The following TNNI3K variants were observed in gnomAD, a reference collection of about 807,000 sequenced individuals.
TNNI3K encodes TNNI3 interacting kinase.
Under a neutral mutation model 114.5 loss-of-function variants are expected in TNNI3K, and 140 were observed. That is an observed-to-expected ratio of 1.22 (90% CI 1.07 to 1.41). The LOEUF (loss-of-function observed/expected upper bound fraction) is 1.41, where lower values mean the gene tolerates loss of function less well. TNNI3K is among the 40% of genes most tolerant of loss of function. The pLI is 0.00. For synonymous variants in TNNI3K, 347 were observed against 347.5 expected, an observed-to-expected ratio of 1.00 and a Z score of 0.02; for missense variants, 1,125 against 1,007.6, an observed-to-expected ratio of 1.12 and a Z score of -1.58.
rs1169695917 is a variant in TNNI3K at position 74,367,293 on chromosome 1, G to A, written c.1215G>A (p.Lys405=). 3 of 1,612,144 alleles carry A rather than the reference G, an allele frequency of 1.9e-6. No homozygotes were observed. Among genetic ancestry groups the A allele is most frequent in the Admixed American group, 1.7e-5 (1 of 59,878 alleles). The change falls in exon 12 of 25, where the codon AAG becomes AAA. Residue 405 remains lysine, a synonymous_variant. Transcript: ENST00000326637. ...DAIVTLLKHY[K]RPQDELPCNE... ...TTGTCACACTCCTGAAGCATTATAA[G>A]AGACCACAAGATGAATTGCCCTGTA...
At position 74,439,524 on chromosome 1, in the gene TNNI3K, A is replaced by G; in HGVS notation, c.1913A>G (p.Gln638Arg). 17 of 1,613,460 alleles carry G rather than the reference A, an allele frequency of 1.1e-5. No homozygotes were observed. The highest frequency in any genetic ancestry group is 1.4e-5 in the Non-Finnish European group (17 of 1,179,628). ...TGGATGGCTCCTGAGGTGTTCACGC[A>G]GTGCACTCGGTACACCATCAAAGCA... is the stretch of plus-strand genomic sequence containing the variant. ...LRWMAPEVFT[Q>R]CTRYTIKADV... Residue 638 changes from glutamine (Q) to arginine (R), a missense_variant, in exon 20 of 25, where the codon CAG becomes CGG. Physicochemically the swap from Gln to Arg is conservative, Grantham distance 43 (BLOSUM62 1). Coordinates refer to ENST00000326637, the MANE Select transcript of TNNI3K (RefSeq NM_015978.3).
intron 20 of TNNI3K, among the ~76,000 whole-genome samples, chr1:74,451,683 T>C (rs1024578767): frequency 1.3e-5 from 1 of 76,216 alleles, no homozygotes; most frequent in Non-Finnish European, 2.8e-5. Flanking sequence ...TTTTCTTTTC[T>C]TTTCTTTCTT....
At chr1:74,331,597 G>T (rs775924581) in intron 6 of TNNI3K, 49 bp downstream of exon 6, 1 of 1,510,204 alleles carries the variant, frequency 6.6e-7, no homozygotes, top group Non-Finnish European at 9.0e-7. Flanking sequence ...CTTAAGTGTA[G>T]GCTTTTGTTG....
chr1:74,261,990 G>T (rs375845218), intron 4 of TNNI3K, among the ~76,000 whole-genome samples: 33 of 152,024 alleles, frequency 2.2e-4, no homozygotes, highest in Non-Finnish European at 3.7e-4. Flanking sequence ...GTGCCCATCA[G>T]AAAACTCTGA....
chr1:74,388,538 C>T (rs879664549), intron 17 of TNNI3K, among the ~76,000 whole-genome samples: 19 of 152,134 alleles, frequency 1.2e-4, no homozygotes, highest in Non-Finnish European at 2.1e-4. Flanking sequence ...TCCACAACAT[C>T]GGACTTCGTC....
chr1:74,440,571 A>G (rs1666332277), intron 20 of TNNI3K, among the ~76,000 whole-genome samples: 1 of 151,450 alleles, frequency 6.6e-6, no homozygotes, highest in African/African-American at 2.4e-5. Flanking sequence ...TCTATTTTGG[A>G]GTTTTTTTTC....
At chr1:74,523,486 A>G (rs1331789147) in intron 23 of TNNI3K, among the ~76,000 whole-genome samples, 1 of 149,696 alleles carries the variant, frequency 6.7e-6, no homozygotes, top group African/African-American at 2.4e-5. Flanking sequence ...AACAACAAGA[A>G]AGAGAGAAAG....
At chr1:74,469,888 T>C in intron 21 of TNNI3K, 2 of 400,584 alleles carry the variant, frequency 5.0e-6, no homozygotes, top group Middle Eastern at 6.2e-4. Context: ...TTATTCTGTT[T>C]CTAAAGGTGA....
chr1:74,375,866 C>G (rs748741252), intron 17 of TNNI3K: 9 of 257,526 alleles, frequency 3.5e-5, no homozygotes, highest in Non-Finnish European at 4.9e-5. Context: ...CTTGATAAAT[C>G]AAATCTATCT....
intron 21 of TNNI3K, chr1:74,470,873 C>G: frequency 2.5e-6 from 1 of 400,718 alleles, no homozygotes; most frequent in Non-Finnish European, 4.4e-6. Flanking sequence ...TGATTTAACT[C>G]ACTGGTCTTT....
At chr1:74,438,009 G>T (rs529616293) in intron 19 of TNNI3K, among the ~76,000 whole-genome samples, 1 of 150,722 alleles carries the variant, frequency 6.6e-6, no homozygotes, top group Non-Finnish European at 1.5e-5. Context: ...TATTCTAGCC[G>T]CATAGTCTTT....
chr1:74,494,211 A>G (rs913005577), intron 23 of TNNI3K, among the ~76,000 whole-genome samples: 2 of 151,948 alleles, frequency 1.3e-5, no homozygotes, highest in Non-Finnish European at 1.5e-5. Flanking sequence ...ACACTCATAC[A>G]CTCCATTATC....
Position 74,367,236 on chromosome 1 carries a change from C to G in TNNI3K, c.1178-20C>G. On this transcript the variant is annotated intron_variant, in intron 11 of 24. Transcript: ENST00000326637. ...TAAACAAAATTTAGGACTCTTTGTT[C>G]TTTGTATCTTTTCATAAAGGGCATG... The G allele has an allele frequency of 6.2e-7, 1 of 1,608,062 alleles. No individual in the cohort carries two copies. Among genetic ancestry groups the G allele is most frequent in the Non-Finnish European group, 8.5e-7 (1 of 1,177,272 alleles).
chr1:74,349,872 A>C (rs1193599561), intron 9 of TNNI3K, among the ~76,000 whole-genome samples: 1 of 151,422 alleles, frequency 6.6e-6, no homozygotes, highest in Admixed American at 6.6e-5. Flanking sequence ...TTCCTTCTTT[A>C]TTAGTCTTGC....
chr1:74,453,774 T>C (rs1219028547), intron 20 of TNNI3K, among the ~76,000 whole-genome samples: 2 of 152,154 alleles, frequency 1.3e-5, no homozygotes, highest in East Asian at 1.9e-4. Context: ...ACCATGCAGA[T>C]GCTCAAGGCA....
chr1:74,418,014 G>T (rs1665214679), intron 17 of TNNI3K, among the ~76,000 whole-genome samples: 1 of 151,836 alleles, frequency 6.6e-6, no homozygotes, highest in African/African-American at 2.4e-5. Context: ...ATTTTATTTG[G>T]GGCACATTGC....
intron 2 of TNNI3K, among the ~76,000 whole-genome samples, chr1:74,247,842 G>A (rs1376543220): frequency 1.3e-5 from 2 of 152,182 alleles, no homozygotes; most frequent in Non-Finnish European, 2.9e-5. Flanking sequence ...ACTTTGCCTA[G>A]TAGATCCCAC....
At chr1:74,356,542 G>A (rs566311597) in intron 11 of TNNI3K, among the ~76,000 whole-genome samples, 101 of 152,278 alleles carry the variant, frequency 6.6e-4, no homozygotes, top group African/African-American at 2.3e-3. Flanking sequence ...CTCAGACAGT[G>A]ACTCTCAAGA....
chr1:74,422,325 G>C (rs759632237), intron 17 of TNNI3K, among the ~76,000 whole-genome samples: 1 of 151,844 alleles, frequency 6.6e-6, no homozygotes, highest in Non-Finnish European at 1.5e-5. Context: ...TCCAATGCAG[G>C]TATTTCATTT....
Sources: allele counts gnomAD v4.1 joint callset (sites outside exome capture counted in the v4.1 genomes callset), GRCh38; gene constraint gnomAD v4.1.1; transcripts MANE v1.5; gene names NCBI Gene and HGNC (gene_info 2026-07-23, HGNC 2026-07-21).